The following SMG1 variants were observed in gnomAD, a reference collection of about 807,000 sequenced individuals.
The protein encoded by SMG1 is serine/threonine-protein kinase SMG1.
In SMG1, 22 loss-of-function variants were observed where a neutral mutation model predicts 419.9. That is an observed-to-expected ratio of 0.05 (90% CI 0.04 to 0.07). The LOEUF (loss-of-function observed/expected upper bound fraction) is 0.07, where lower values mean the gene tolerates loss of function less well. SMG1 is among the 10% of genes least tolerant of loss of function. SMG1 has a pLI of 1.00. For missense variants in SMG1, 3,185 were observed against 4,342.0 expected (o/e 0.73, Z 7.49); for synonymous variants, 1,538 against 1,553.5 (o/e 0.99, Z 0.23).
Position 18,921,364 on chromosome 16 carries a change from G to A in SMG1, c.92+4586C>T, listed in dbSNP as rs1470003602. Among the ~76,000 whole-genome samples the A allele has an allele frequency of 2.0e-5, 3 of 151,896 alleles. No homozygotes were observed. The East Asian group carries it at 5.8e-4, about 29-fold the overall frequency. On this transcript the variant is annotated intron_variant, in intron 1 of 62. Transcript: ENST00000446231. ...ATATCTCAAAACAGAGGAAAGAAAA[G>A]AAAAGAAAAACATAAAAACAAACGT...
chr16:18,850,541 T>A, intron 33 of SMG1, 74 bp from the exon 34 acceptor site: 1 of 1,029,164 alleles, frequency 9.7e-7, no homozygotes, highest in South Asian at 1.6e-5. Flanking sequence ...AATTTGACTA[T>A]CATAAAAAAT....
In SMG1 at chr16:18,848,107, C is replaced by A. The variant is rs1417796262; in HGVS notation, c.5624-74G>T. On this transcript the variant is annotated intron_variant, in intron 36 of 62. Transcript: ENST00000446231. Reference sequence around the variant, plus strand: ...TGCATATGCTAGGTTAGGGAAAACACTGATAATCTATTTGACTCAAGAGCA... The same window carrying A: ...TGCATATGCTAGGTTAGGGAAAACAATGATAATCTATTTGACTCAAGAGCA... 2.4e-6 allele frequency: 3 copies of A among 1,269,770 alleles called. No individual in the cohort carries two copies. In the African/African-American group the frequency reaches 4.4e-5, roughly 19 times the overall value. The allele number at this position is 1,269,770 out of a possible 1,614,324, so 78.7% of individuals were successfully genotyped here.
In SMG1 at chr16:18,834,228, G is replaced by A; in HGVS notation, c.8541C>T (p.Ala2847=). 1 of 1,601,222 alleles carries A rather than the reference G, an allele frequency of 6.2e-7. No homozygotes were observed. The highest frequency in any genetic ancestry group is 1.3e-5 in the African/African-American group (1 of 74,766). ...CCTGAAGTGAGGTATACACTCCATT[G>A]GCTAAGTGAACTGTCTCAGACGCTT... ...PMEASETVHL[A]NGVYTSLQEL... Residue 2847 remains alanine (A), a synonymous_variant, in exon 50 of 63, where the codon GCC becomes GCT. Transcript: ENST00000446231.
intron 9 of SMG1, among the ~76,000 whole-genome samples, chr16:18,883,245 C>T (rs1052175414): frequency 1.4e-4 from 22 of 152,194 alleles, no homozygotes; most frequent in Admixed American, 1.2e-3. Flanking sequence ...TAAGCCACGA[C>T]AGTGGGGCCA....
chr16:18,860,534 T>C (rs1385301141), intron 26 of SMG1, 133 bp downstream of exon 26: 9 of 570,180 alleles, frequency 1.6e-5, no homozygotes, highest in Non-Finnish European at 2.2e-5. Context: ...AGCCCTAAAT[T>C]TGTTGCTTCA....
Position 18,925,821 on chromosome 16 carries a change from C to T in SMG1, c.92+129G>A, listed in dbSNP as rs1288246086. On this transcript the variant is annotated intron_variant, in intron 1 of 62. Coordinates refer to ENST00000446231, the MANE Select transcript of SMG1 (RefSeq NM_015092.5). Reference sequence around the variant, plus strand: ...TCCCCCAGCCGGGGCGGAGGAGACCCAGGAAGCCGCGCCCGGCTCCGAGGG... The same window carrying T: ...TCCCCCAGCCGGGGCGGAGGAGACCTAGGAAGCCGCGCCCGGCTCCGAGGG... The T allele has an allele frequency of 3.3e-5, 22 of 657,584 alleles. No homozygotes were observed. The Admixed American group carries it at 4.7e-4, about 14-fold the overall frequency. 40.7% of individuals were successfully genotyped at this position (657,584 alleles called of 1,614,324 possible).
intron 23 of SMG1, 25 bp from the exon 24 acceptor site, chr16:18,864,169 TA>T (rs1280381604): frequency 1.1e-5 from 16 of 1,479,274 alleles, no homozygotes; most frequent in Non-Finnish European, 1.3e-5. Context: ...GAAGCAGTCT[TA>T]TTTATTTATC....
chr16:18,895,787 A>C (rs2037098867), intron 3 of SMG1, among the ~76,000 whole-genome samples: 1 of 152,164 alleles, frequency 6.6e-6, no homozygotes, highest in Admixed American at 6.5e-5. Flanking sequence ...AGAGCCTACT[A>C]TGCACTATAC....
Position 18,853,782 on chromosome 16 carries a change from T to C in SMG1, c.4569A>G (p.Lys1523=), listed in dbSNP as rs8049322. 1 of 1,613,880 alleles carries C rather than the reference T, an allele frequency of 6.2e-7. No individual in the cohort carries two copies. The highest frequency in any genetic ancestry group is 8.5e-7 in the Non-Finnish European group (1 of 1,179,836). ...KSVKAEYAVA[K]SILTLAKWIQ... ...TCCATTTAGCCAGTGTCAGAATTGA[T>C]TTAGCAACTGCATATTCAGCTTTCA... Residue 1523 remains lysine (K), a synonymous_variant, in exon 31 of 63, where the codon AAA becomes AAG. Transcript: ENST00000446231.
intron 4 of SMG1, 53 bp from the exon 5 acceptor site, chr16:18,890,974 T>C (rs945382281): frequency 1.3e-5 from 11 of 874,344 alleles, no homozygotes; most frequent in African/African-American, 5.0e-5. Flanking sequence ...CTTTTAAGAA[T>C]AGCATTGTGT....
Position 18,926,317 on chromosome 16 carries a change from G to A in SMG1, c.-276C>T, listed in dbSNP as rs2038409216. The A allele has an allele frequency of 1.9e-5, 8 of 424,468 alleles. No individual in the cohort carries two copies. Among genetic ancestry groups the A allele is most frequent in the Middle Eastern group, 6.1e-4 (1 of 1,642 alleles). The allele number at this position is 424,468 out of a possible 1,614,324, so 26.3% of individuals were successfully genotyped here. A position where few individuals can be genotyped will look rare whatever the true frequency, so the allele number is the denominator to read the frequency against. On this transcript the variant is annotated 5_prime_UTR_variant, in exon 1 of 63. Transcript: ENST00000446231. ...GAAGGGGAGGCGACGTCTTTTCCAGGGCCGTGCGCGGCCCACGTCGCCGGG... is the reference window on the plus strand; with the variant it reads ...GAAGGGGAGGCGACGTCTTTTCCAGAGCCGTGCGCGGCCCACGTCGCCGGG...
intron 1 of SMG1, among the ~76,000 whole-genome samples, chr16:18,924,424 T>C (rs970966019): frequency 9.9e-5 from 15 of 152,224 alleles, no homozygotes; most frequent in African/African-American, 3.1e-4. Flanking sequence ...AAAAGGTTAC[T>C]AAATTCTCTT....
rs200756678 is a variant in SMG1, at chr16:18,922,899, G to T, written c.92+3051C>A. Among the ~76,000 whole-genome samples the T allele has an allele frequency of 7.4e-4, 113 of 152,272 alleles. 1 individual carries two copies. In the East Asian group the frequency reaches 0.019, roughly 26 times the overall value. Reference sequence around the variant, plus strand: ...GGTTCAAGACCAGCCTGGGCAACGTGGTGAAAACCCCATCTCTACAAAAAA... The same window carrying T: ...GGTTCAAGACCAGCCTGGGCAACGTTGTGAAAACCCCATCTCTACAAAAAA... On this transcript the variant is annotated intron_variant, in intron 1 of 62. Coordinates refer to ENST00000446231, the MANE Select transcript of SMG1 (RefSeq NM_015092.5).
At chr16:18,874,805 G>A (rs1192757356) in intron 13 of SMG1, among the ~76,000 whole-genome samples, 1 of 138,062 alleles carries the variant, frequency 7.2e-6, no homozygotes, top group Non-Finnish European at 1.5e-5. Context: ...GGCAGAGGTG[G>A]CAGTGAGCCG....
chr16:18,818,819 T>C (rs2032252958), intron 56 of SMG1, among the ~76,000 whole-genome samples: 1 of 41,808 alleles, frequency 2.4e-5, no homozygotes, highest in Non-Finnish European at 7.3e-5. Context: ...CACAAGGTCC[T>C]TTTTTTTTTT....
At chr16:18,837,182 T>C (rs1312526137) in intron 46 of SMG1, 71 bp downstream of exon 46, 15 of 1,308,988 alleles carry the variant, frequency 1.1e-5, no homozygotes, top group Non-Finnish European at 1.4e-5. Context: ...CTAATCCATA[T>C]TGATGTTTAC....
chr16:18,906,629 T>C (rs567099015), intron 1 of SMG1, among the ~76,000 whole-genome samples: 19 of 152,174 alleles, frequency 1.2e-4, no homozygotes, highest in African/African-American at 4.3e-4. Context: ...TGCAACACTT[T>C]CAATGTATCC....
chr16:18,837,822 CTG>C (rs2033676104), intron 45 of SMG1, among the ~76,000 whole-genome samples, 190 bp downstream of exon 45: 1 of 152,170 alleles, frequency 6.6e-6, no homozygotes, highest in Non-Finnish European at 1.5e-5. Flanking sequence ...TGGAATGTAA[CTG>C]TGCATGTTTG....
chr16:18,852,013 C>A, intron 33 of SMG1, 54 bp downstream of exon 33: 1 of 1,532,192 alleles, frequency 6.5e-7, no homozygotes, highest in South Asian at 1.3e-5. Context: ...TCAATTTTCT[C>A]AAAATCAATG....
Sources: allele counts gnomAD v4.1 joint callset (sites outside exome capture counted in the v4.1 genomes callset), GRCh38; gene constraint gnomAD v4.1.1; transcripts MANE v1.5; gene names NCBI Gene and HGNC (gene_info 2026-07-23, HGNC 2026-07-21).